FMN1: variants seen among roughly 807,000 people sequenced by gnomAD.
FMN1 encodes formin 1.
In FMN1, 110 loss-of-function variants were observed where a neutral mutation model predicts 132.4. The ratio of observed to expected loss-of-function variants is 0.83; its 90% confidence interval spans 0.71 to 0.97. FMN1 has a LOEUF of 0.97. FMN1 is among the 50% of genes least tolerant of loss of function. FMN1 has a pLI of 0.00. For missense variants in FMN1, 1,792 were observed against 1,705.3 expected, an observed-to-expected ratio of 1.05 and a Z score of -0.90; for synonymous variants, 722 against 651.7, an observed-to-expected ratio of 1.11 and a Z score of -1.64.
At chr15:32,932,305 G>A (rs1171055417) in intron 9 of FMN1, among the ~76,000 whole-genome samples, 1 of 152,180 alleles carries the variant, frequency 6.6e-6, no homozygotes, top group Non-Finnish European at 1.5e-5. Context: ...GGAGGCTGAG[G>A]CAGGAAAATC....
At chr15:32,789,288 AC>A (rs1333074466) in intron 19 of FMN1, among the ~76,000 whole-genome samples, 1 of 152,170 alleles carries the variant, frequency 6.6e-6, no homozygotes, top group Non-Finnish European at 1.5e-5. Flanking sequence ...GATACAGTAA[AC>A]CCCCAAAATT....
At chr15:32,820,993 T>C (rs538274681) in intron 17 of FMN1, among the ~76,000 whole-genome samples, 97 of 152,032 alleles carry the variant, frequency 6.4e-4, no homozygotes, top group Non-Finnish European at 1.3e-3. Context: ...ATTTTAATAC[T>C]GTCTATATTT....
In FMN1 at chr15:32,910,497, T is replaced by A. The variant is rs1333498511; in HGVS notation, c.3265A>T (p.Thr1089Ser). Residue 1089 changes from threonine (T) to serine (S), a missense_variant, in exon 11 of 21, where the codon ACC becomes TCC. This residue lies in a region of FMN1 where 1,150 missense variants were observed against 1,043.1 expected (regional missense o/e 1.10). Coordinates refer to ENST00000616417, the MANE Select transcript of FMN1 (RefSeq NM_001277313.2). ...NVDDSVVDLETLAALYENRAQ... is the reference protein window; with the variant it reads ...NVDDSVVDLESLAALYENRAQ... ...ACGTTTTCATATAAGGCTGCCAGGG[T>A]CTCCAGATCAACCACGGAGTCATCC... 2 of 1,580,406 alleles carry A rather than the reference T, an allele frequency of 1.3e-6. No individual in the cohort carries two copies. The highest frequency in any genetic ancestry group is 1.2e-5 in the South Asian group (1 of 85,922).
chr15:32,880,153 T>C (rs1405564328), intron 16 of FMN1, among the ~76,000 whole-genome samples: 1 of 139,576 alleles, frequency 7.2e-6, no homozygotes, highest in Non-Finnish European at 1.5e-5. Context: ...CACGGTACCA[T>C]GACTTGGTTA....
intron 17 of FMN1, among the ~76,000 whole-genome samples, chr15:32,815,257 A>T (rs1257230825): frequency 6.6e-6 from 1 of 151,940 alleles, no homozygotes; most frequent in Non-Finnish European, 1.5e-5. Context: ...GTTTATTTTT[A>T]TTTCTTCTTT....
chr15:32,978,798 ACAGTAT>A (rs2032414060), intron 7 of FMN1, among the ~76,000 whole-genome samples: 1 of 152,226 alleles, frequency 6.6e-6, no homozygotes, highest in South Asian at 2.1e-4. Flanking sequence ...CACCTGCACA[ACAGTAT>A]CATTTTGAAA....
At chr15:32,974,441 A>C (rs1213312669) in intron 7 of FMN1, among the ~76,000 whole-genome samples, 1 of 152,200 alleles carries the variant, frequency 6.6e-6, no homozygotes, top group African/African-American at 2.4e-5. Flanking sequence ...AGAAAGATTC[A>C]AACTTACTAG....
At chr15:33,124,831 G>A (rs1962897641) in intron 4 of FMN1, among the ~76,000 whole-genome samples, 1 of 148,060 alleles carries the variant, frequency 6.8e-6, no homozygotes, top group Non-Finnish European at 1.5e-5. Context: ...TGAAAAAAAT[G>A]CTTTTCATTT....
intron 4 of FMN1, among the ~76,000 whole-genome samples, chr15:33,098,796 T>G (rs912883182): frequency 2.0e-5 from 3 of 152,178 alleles, no homozygotes; most frequent in Non-Finnish European, 4.4e-5. Flanking sequence ...GTGGCCCTTT[T>G]CCCTGCCTCT....
intron 6 of FMN1, chr15:33,012,734 G>C (rs2034799654): frequency 1.6e-5 from 12 of 750,364 alleles, no homozygotes; most frequent in Non-Finnish European, 2.9e-5. Context: ...GGTGGCCATG[G>C]AGGTGGTTTT....
chr15:32,842,059 G>A (rs1011927900), intron 17 of FMN1, among the ~76,000 whole-genome samples: 6 of 152,136 alleles, frequency 3.9e-5, no homozygotes, highest in South Asian at 2.1e-4. Flanking sequence ...GAACGGTGGC[G>A]TCTATTCACT....
intron 4 of FMN1, among the ~76,000 whole-genome samples, chr15:33,110,871 C>T (rs2140123568): frequency 6.6e-6 from 1 of 152,120 alleles, no homozygotes; most frequent in East Asian, 1.9e-4. Context: ...TTTTTAATGT[C>T]TTGGCATGCA....
chr15:33,007,887 C>T lies in FMN1; in HGVS notation c.2223+127G>A, dbSNP rs2034500844. On this transcript the variant is annotated intron_variant, in intron 7 of 20. Transcript: ENST00000616417. The stretch of plus-strand genomic sequence containing the variant: ...ATTCCCTGTATAGACACAGTGCCTA[C>T]TGGCAGCTGCAAGATGCGATGCTGT... 1.0e-5 allele frequency: 7 copies of T among 682,284 alleles called. No individual in the cohort carries two copies. In the South Asian group the frequency reaches 1.4e-4, roughly 14 times the overall value. The allele number at this position is 682,284 out of a possible 1,614,324, so 42.3% of individuals were successfully genotyped here.
At chr15:32,984,440 T>C (rs2032921682) in intron 7 of FMN1, among the ~76,000 whole-genome samples, 1 of 152,150 alleles carries the variant, frequency 6.6e-6, no homozygotes, top group African/African-American at 2.4e-5. Flanking sequence ...AAGCTGCAAA[T>C]TCTCCCTCAG....
intron 3 of FMN1, among the ~76,000 whole-genome samples, chr15:33,156,536 C>T (rs2140291611): frequency 6.6e-6 from 1 of 152,062 alleles, no homozygotes; most frequent in African/African-American, 2.4e-5. Flanking sequence ...GCGATCCTCC[C>T]ACTTCAGCTT....
chr15:33,023,162 T>C (rs1169189264), intron 6 of FMN1, among the ~76,000 whole-genome samples: 4 of 150,038 alleles, frequency 2.7e-5, no homozygotes, highest in Non-Finnish European at 5.9e-5. Flanking sequence ...CTCAGGCTAG[T>C]GAACCCAATA....
chr15:33,128,476 A>G (rs138388430), intron 4 of FMN1, among the ~76,000 whole-genome samples: 1 of 152,210 alleles, frequency 6.6e-6, no homozygotes, highest in Non-Finnish European at 1.5e-5. Flanking sequence ...GTCCATTTAT[A>G]AAAAGCCTCA....
intron 4 of FMN1, among the ~76,000 whole-genome samples, chr15:33,128,470 A>G (rs1963337457): frequency 1.3e-5 from 2 of 152,212 alleles, no homozygotes; most frequent in African/African-American, 4.8e-5. Flanking sequence ...TGCAAGGTCC[A>G]TTTATAAAAA....
At chr15:32,924,960 TTTAA>T (rs1363465476) in intron 10 of FMN1, among the ~76,000 whole-genome samples, 1 of 152,128 alleles carries the variant, frequency 6.6e-6, no homozygotes, top group Non-Finnish European at 1.5e-5. Context: ...AAGATTTACA[TTTAA>T]TTAATTAGTG....
Sources: allele counts gnomAD v4.1 joint callset (sites outside exome capture counted in the v4.1 genomes callset), GRCh38; gene constraint gnomAD v4.1.1; regional missense constraint gnomAD v4.1.1; transcripts MANE v1.5; gene names NCBI Gene and HGNC (gene_info 2026-07-23, HGNC 2026-07-21).